Variants in ARID1A observed in about 807,000 individuals in gnomAD.
The protein encoded by ARID1A is AT-rich interaction domain 1A.
ARID1A carries 20 observed loss-of-function variants against 212.6 expected under a neutral mutation model. That is an observed-to-expected ratio of 0.09 (90% confidence interval 0.07 to 0.14). The LOEUF is 0.14. Ranked by LOEUF, ARID1A falls within the 10% of genes least tolerant of loss-of-function variation. The probability of loss-of-function intolerance (pLI) is 1.00; values close to 1 mark genes in which losing one functional copy is unlikely to be tolerated. For missense variants in ARID1A, 2,587 were observed against 3,059.0 expected, an observed-to-expected ratio of 0.85 and a Z score of 3.64; for synonymous variants, 1,376 against 1,222.1, an observed-to-expected ratio of 1.13 and a Z score of -2.63.
In ARID1A at chr1:26,773,892, A is replaced by G. The variant is rs767073492; in HGVS notation, c.4095A>G (p.Gln1365=). 3.7e-6 allele frequency: 6 copies of G among 1,614,114 alleles called. No homozygotes were observed. The highest frequency in any genetic ancestry group is 5.1e-6 in the Non-Finnish European group (6 of 1,179,960). ...AGCAGACTACAATGTATCAACAGCA[A>G]CAGCAGGTGAGGAGGGTAGCTGGGA... ...PSQQTTMYQQ[Q]QQNYKRPMDG... The change falls in exon 17 of 20, where the codon CAA becomes CAG. Residue 1365 remains glutamine, a synonymous_variant. Transcript: ENST00000324856.
intron 4 of ARID1A, among the ~76,000 whole-genome samples, chr1:26,755,909 A>G (rs1356277857): frequency 6.6e-6 from 1 of 151,412 alleles, no homozygotes; most frequent in Non-Finnish European, 1.5e-5. Flanking sequence ...ACACCTGGCT[A>G]TTTTTTTGTG....
intron 1 of ARID1A, among the ~76,000 whole-genome samples, chr1:26,712,865 C>T (rs1007099035): frequency 6.6e-6 from 1 of 152,216 alleles, no homozygotes; most frequent in Admixed American, 6.5e-5. Context: ...CAGAAGTGGT[C>T]AGGTGATAAA....
intron 1 of ARID1A, among the ~76,000 whole-genome samples, chr1:26,708,863 T>A (rs2080421484): frequency 6.6e-6 from 1 of 151,606 alleles, no homozygotes; most frequent in South Asian, 2.1e-4. Flanking sequence ...CCCGGCTAAT[T>A]TTTTTGTATT....
chr1:26,736,166 T>C (rs2080727517), intron 4 of ARID1A, among the ~76,000 whole-genome samples: 3 of 138,376 alleles, frequency 2.2e-5, no homozygotes, highest in Admixed American at 1.5e-4. Flanking sequence ...CTACTAAAAA[T>C]ATAAAAAATT....
At position 26,775,565 on chromosome 1, in the gene ARID1A, G is replaced by T. The variant is rs1395098354; in HGVS notation, c.4994-12G>T. Reference sequence around the variant, plus strand: ...GGGCTTGGTGGATAGACGACATGGAGGTTTATTTCAGGAACCCCGGAGGCA... The same window carrying T: ...GGGCTTGGTGGATAGACGACATGGATGTTTATTTCAGGAACCCCGGAGGCA... On this transcript the variant is annotated splice_polypyrimidine_tract_variant and intron_variant, in intron 18 of 19. Coordinates refer to ENST00000324856, the MANE Select transcript of ARID1A (RefSeq NM_006015.6). 6.2e-7 allele frequency: 1 copy of T among 1,613,856 alleles called. No individual in the cohort carries two copies. The highest frequency in any genetic ancestry group is 1.7e-5 in the Admixed American group (1 of 60,020).
rs11582289 is a variant in ARID1A at position 26,758,895 on chromosome 1, C to G, written c.1921-1961C>G. Among the ~76,000 whole-genome samples the G allele has an allele frequency of 2.9e-3, 434 of 152,260 alleles. 2 individuals carry two copies. The highest frequency in any genetic ancestry group is 4.1e-3 in the Non-Finnish European group (280 of 68,030). On this transcript the variant is annotated intron_variant, in intron 4 of 19. Transcript: ENST00000324856. ...GCTAACATGGAAAGCTGGACACAGGCACAAATGCACACCTACCTACCTGCC... is the reference window on the plus strand; with the variant it reads ...GCTAACATGGAAAGCTGGACACAGGGACAAATGCACACCTACCTACCTGCC...
chr1:26,698,863 G>A (rs530373724), intron 1 of ARID1A, among the ~76,000 whole-genome samples: 4 of 152,270 alleles, frequency 2.6e-5, no homozygotes, highest in African/African-American at 9.6e-5. Flanking sequence ...AGAACTGGGA[G>A]CTTTCTGAGG....
chr1:26,779,248 AATG>A lies in ARID1A; in HGVS notation c.5355_5357del (p.Asp1785del). The A allele has an allele frequency of 6.2e-7, 1 of 1,614,178 alleles. No individual in the cohort carries two copies. Among genetic ancestry groups the A allele is most frequent in the Non-Finnish European group, 8.5e-7 (1 of 1,180,006 alleles). On this transcript the variant is annotated inframe_deletion, in exon 20 of 20. Coordinates refer to ENST00000324856, the MANE Select transcript of ARID1A (RefSeq NM_006015.6). ...GGAAGAAGAAGAGGAAGTAGTTGAA[AATG>A]ATGAGGAGATAGCCTTTTCAGGCAA... is the stretch of plus-strand genomic sequence containing the variant.
chr1:26,742,529 C>T (rs747010211), intron 4 of ARID1A, among the ~76,000 whole-genome samples: 61 of 152,196 alleles, frequency 4.0e-4, no homozygotes, highest in Non-Finnish European at 6.9e-4. Flanking sequence ...CCAACATCAC[C>T]GGGAAGCTTG....
At chr1:26,701,362 G>C (rs1379071710) in intron 1 of ARID1A, among the ~76,000 whole-genome samples, 1 of 152,086 alleles carries the variant, frequency 6.6e-6, no homozygotes, top group Non-Finnish European at 1.5e-5. Context: ...TGATTCCTGT[G>C]GCTTTTATCT....
In ARID1A at chr1:26,762,278, T is replaced by C; in HGVS notation, c.2378T>C (p.Met793Thr). The C allele has an allele frequency of 6.2e-7, 1 of 1,614,160 alleles. No individual in the cohort carries two copies. The highest frequency in any genetic ancestry group is 8.5e-7 in the Non-Finnish European group (1 of 1,180,024). Reference sequence around the variant, plus strand: ...ATGGGCTCCTACCAGCAGAACTCCATGGGGAGCTATGGTCCCCAGGGGGGT... The same window carrying C: ...ATGGGCTCCTACCAGCAGAACTCCACGGGGAGCTATGGTCCCCAGGGGGGT... ...TGMGSYQQNS[M>T]GSYGPQGGQY... Residue 793 changes from methionine to threonine, a missense_variant, in exon 7 of 20, where the codon ATG (methionine) becomes ACG (threonine). Coordinates refer to ENST00000324856, the MANE Select transcript of ARID1A (RefSeq NM_006015.6).
intron 4 of ARID1A, among the ~76,000 whole-genome samples, chr1:26,749,414 A>T (rs969985833): frequency 6.6e-6 from 1 of 152,050 alleles, no homozygotes; most frequent in African/African-American, 2.4e-5. Context: ...GGAAATGTTG[A>T]GCAGAAGCAC....
At chr1:26,745,020 T>C (rs1250407230) in intron 4 of ARID1A, among the ~76,000 whole-genome samples, 2 of 152,252 alleles carry the variant, frequency 1.3e-5, no homozygotes, top group Non-Finnish European at 2.9e-5. Flanking sequence ...AGCCACTCTT[T>C]TGGGATCATT....
intron 4 of ARID1A, among the ~76,000 whole-genome samples, chr1:26,737,901 C>T (rs1288444440): frequency 6.6e-6 from 1 of 151,924 alleles, no homozygotes; most frequent in African/African-American, 2.4e-5. Flanking sequence ...GCCCAGAGTT[C>T]ACAGAGTTCT....
At chr1:26,770,945 C>A in intron 11 of ARID1A, 174 bp from the exon 12 acceptor site, 1 of 618,688 alleles carries the variant, frequency 1.6e-6, no homozygotes, top group Non-Finnish European at 2.8e-6. Flanking sequence ...ATGAAGCCAG[C>A]TGCAGATTTA....
intron 19 of ARID1A, among the ~76,000 whole-genome samples, chr1:26,776,167 A>T (rs888230346): frequency 6.6e-6 from 1 of 152,108 alleles, no homozygotes; most frequent in Non-Finnish European, 1.5e-5. Flanking sequence ...ATCAGTGAGC[A>T]GAGTATGTTT....
At chr1:26,758,559 T>C (rs2080961896) in intron 4 of ARID1A, among the ~76,000 whole-genome samples, 1 of 150,164 alleles carries the variant, frequency 6.7e-6, no homozygotes, top group East Asian at 2.0e-4. Context: ...GTTGAGGCTG[T>C]AGGGAGCTGG....
chr1:26,764,714 G>C (rs891138591), intron 8 of ARID1A: 1 of 152,192 alleles, frequency 6.6e-6, no homozygotes, highest in Admixed American at 6.5e-5. Context: ...TGGGTGCTAT[G>C]CTGAGGGTTC....
At chr1:26,775,328 C>T (rs1317746049) in intron 18 of ARID1A, 108 bp downstream of exon 18, 1 of 1,467,590 alleles carries the variant, frequency 6.8e-7, no homozygotes, top group African/African-American at 1.4e-5. Flanking sequence ...CCAGTGTTGA[C>T]TAAAATAGAA....
Sources: gnomAD v4.1 joint callset for allele counts (sites outside exome capture counted in the v4.1 genomes callset) on GRCh38, gnomAD v4.1.1 for gene constraint, MANE v1.5 for transcripts, NCBI Gene and HGNC (gene_info 2026-07-23, HGNC 2026-07-21) for gene names.